Variants in TANC2 observed in about 807,000 individuals in gnomAD.
TANC2 encodes the protein protein TANC2.
Under a neutral mutation model 210.5 loss-of-function variants are expected in TANC2, and 26 were observed. The observed-to-expected ratio is 0.12, with a 90% CI of 0.09 to 0.17. TANC2 has a LOEUF of 0.17. Among genes scored for constraint, TANC2 ranks in the 10% least tolerant of loss-of-function variants. TANC2 has a pLI of 1.00. For synonymous variants in TANC2, 931 were observed against 967.1 expected, an observed-to-expected ratio of 0.96 and a Z score of 0.69; for missense variants, 2,129 against 2,608.9, an observed-to-expected ratio of 0.82 and a Z score of 4.01.
intron 2 of TANC2, among the ~76,000 whole-genome samples, chr17:63,019,914 T>TTTTG (rs372966886): frequency 0.029 from 4,398 of 152,104 alleles, 217 homozygotes; most frequent in African/African-American, 0.099. Flanking sequence ...AGTCTATAGT[T>TTTTG]TTTGTTTGTT....
chr17:63,105,485 G>A (rs1767659728), intron 4 of TANC2, among the ~76,000 whole-genome samples: 1 of 151,604 alleles, frequency 6.6e-6, no homozygotes, highest in African/African-American at 2.4e-5. Flanking sequence ...TTCATGATAT[G>A]TTCTTTGCAT....
intron 2 of TANC2, among the ~76,000 whole-genome samples, chr17:63,055,986 AAAAAATATATATATAT>A (rs1330372222): frequency 2.4e-3 from 27 of 11,192 alleles, no homozygotes; most frequent in Admixed American, 0.015. Context: ...AAAAAAAAAA[AAAAAATATATATATAT>A]ATATATATAT....
intron 14 of TANC2, among the ~76,000 whole-genome samples, chr17:63,379,309 G>A (rs1244733751): frequency 6.6e-6 from 1 of 152,098 alleles, no homozygotes; most frequent in African/African-American, 2.4e-5. Context: ...AAAACCAGTT[G>A]AATGATATAG....
chr17:63,133,825 A>G lies in TANC2; in HGVS notation c.323-17445A>G, dbSNP rs2039000943. ...GCCTTAAAACAGTTTATAATCTAGT[A>G]GAGTTTGATGATTCCTACACATAGA... On this transcript the variant is annotated intron_variant, in intron 4 of 27. Transcript: ENST00000689528. 2.0e-5 allele frequency among the ~76,000 whole-genome samples: 3 copies of G among 152,194 alleles called. No homozygotes were observed. The South Asian group carries it at 6.2e-4, about 31-fold the overall frequency.
At chr17:63,264,637 A>T (rs1293173644) in intron 8 of TANC2, among the ~76,000 whole-genome samples, 1 of 152,094 alleles carries the variant, frequency 6.6e-6, no homozygotes, top group East Asian at 1.9e-4. Flanking sequence ...AGATTTCTCA[A>T]CTTTTTGTGT....
intron 27 of TANC2, 63 bp from the exon 28 acceptor site, chr17:63,419,936 C>G: frequency 6.8e-7 from 1 of 1,470,252 alleles, no homozygotes; most frequent in Non-Finnish European, 9.0e-7. Context: ...ATGTTCTCAG[C>G]TCTTGGTGAT....
chr17:62,972,343 G>A (rs1598166123), intron 1 of TANC2, among the ~76,000 whole-genome samples: 1 of 152,142 alleles, frequency 6.6e-6, no homozygotes, highest in African/African-American at 2.4e-5. Context: ...AATTGTGTTA[G>A]TGTTCTATTA....
intron 1 of TANC2, among the ~76,000 whole-genome samples, chr17:62,983,397 G>A (rs962382992): frequency 2.0e-5 from 3 of 151,804 alleles, no homozygotes; most frequent in Non-Finnish European, 2.9e-5. Context: ...TTGCATATAA[G>A]ATCATGTCAT....
At chr17:63,262,629 C>CTTT (rs11395061) in intron 8 of TANC2, among the ~76,000 whole-genome samples, 2 of 145,368 alleles carry the variant, frequency 1.4e-5, no homozygotes, top group African/African-American at 2.5e-5. Flanking sequence ...TAGTAGTCCT[C>CTTT]TTTTTTTTTT....
In TANC2 at chr17:63,374,683, C is replaced by T. The variant is rs560879033; in HGVS notation, c.2583-5035C>T. On this transcript the variant is annotated intron_variant, in intron 14 of 27. Transcript: ENST00000689528. Reference sequence around the variant, plus strand: ...AGGCAGAGGGAAAGCATGTTTGAAACCCTACAGATAATTTACTCTGTTTAG... The same window carrying T: ...AGGCAGAGGGAAAGCATGTTTGAAATCCTACAGATAATTTACTCTGTTTAG... Among the ~76,000 whole-genome samples the T allele has an allele frequency of 1.2e-4, 18 of 152,196 alleles. No individual in the cohort carries two copies. The South Asian group carries it at 1.9e-3, about 16-fold the overall frequency.
chr17:63,103,992 C>G lies in TANC2; in HGVS notation c.322+4635C>G, dbSNP rs566135173. 2.0e-5 allele frequency among the ~76,000 whole-genome samples: 3 copies of G among 151,880 alleles called. No individual in the cohort carries two copies. The East Asian group carries it at 5.8e-4, about 29-fold the overall frequency. On this transcript the variant is annotated intron_variant, in intron 4 of 27. Transcript: ENST00000689528. ...GTCAGAGTTAGGATTAATCCCCAGT[C>G]CCTCCACATGTGTCTCATTTTACCA... is the stretch of plus-strand genomic sequence containing the variant.
Position 63,168,822 on chromosome 17 carries a change from C to T in TANC2, c.433+17442C>T, listed in dbSNP as rs1199881446. ...AATGAAAATATCCGTTACTCACTTACTGTTAAAACATACAGTTTCAAAGGA... is the reference window on the plus strand; with the variant it reads ...AATGAAAATATCCGTTACTCACTTATTGTTAAAACATACAGTTTCAAAGGA... On this transcript the variant is annotated intron_variant, in intron 5 of 27. Transcript: ENST00000689528. 7.2e-5 allele frequency among the ~76,000 whole-genome samples: 11 copies of T among 152,148 alleles called. No individual in the cohort carries two copies. In the South Asian group the frequency reaches 2.3e-3, roughly 32 times the overall value.
chr17:63,004,317 C>G (rs903812846), intron 1 of TANC2, among the ~76,000 whole-genome samples: 22 of 151,988 alleles, frequency 1.4e-4, no homozygotes, highest in Non-Finnish European at 4.4e-5. Flanking sequence ...GGTGTTTGGG[C>G]CTAAGGAGTT....
chr17:63,158,057 A>C (rs1183634906), intron 5 of TANC2, among the ~76,000 whole-genome samples: 1 of 152,204 alleles, frequency 6.6e-6, no homozygotes, highest in South Asian at 2.1e-4. Context: ...CATGCAGTCT[A>C]TATATAAATA....
chr17:63,387,705 G>A (rs895316101), intron 15 of TANC2, among the ~76,000 whole-genome samples: 3 of 152,194 alleles, frequency 2.0e-5, no homozygotes, highest in African/African-American at 4.8e-5. Flanking sequence ...ATGATTGTCA[G>A]AGAGTGTCTA....
chr17:62,977,326 T>C (rs1487394652), intron 1 of TANC2, among the ~76,000 whole-genome samples: 2 of 152,228 alleles, frequency 1.3e-5, no homozygotes, highest in South Asian at 4.1e-4. Context: ...GTTTCATCTT[T>C]AGTTTTCCTG....
At chr17:63,193,165 A>T (rs1334730828) in intron 5 of TANC2, among the ~76,000 whole-genome samples, 1 of 152,236 alleles carries the variant, frequency 6.6e-6, no homozygotes, top group African/African-American at 2.4e-5. Flanking sequence ...AATGTTTATA[A>T]CATAAAAATA....
intron 1 of TANC2, among the ~76,000 whole-genome samples, chr17:62,987,259 G>C (rs993249169): frequency 1.3e-5 from 2 of 152,160 alleles, no homozygotes; most frequent in African/African-American, 4.8e-5. Context: ...TGGGGTCGTG[G>C]TGTTCAGCCA....
intron 11 of TANC2, among the ~76,000 whole-genome samples, chr17:63,330,203 G>A (rs905792267): frequency 6.6e-6 from 1 of 152,164 alleles, no homozygotes; most frequent in Non-Finnish European, 1.5e-5. Flanking sequence ...AGGTGAGGAA[G>A]CTTCAGAAAA....
Sources: gnomAD v4.1 joint callset for allele counts (sites outside exome capture counted in the v4.1 genomes callset) on GRCh38, gnomAD v4.1.1 for gene constraint, MANE v1.5 for transcripts, NCBI Gene and HGNC (gene_info 2026-07-23, HGNC 2026-07-21) for gene names.